COL4A4: variants seen among roughly 807,000 people sequenced by gnomAD.
COL4A4 encodes collagen alpha-4(IV) chain.
Under a neutral mutation model 192.9 loss-of-function variants are expected in COL4A4, and 105 were observed. The observed-to-expected ratio is 0.54, with a 90% confidence interval of 0.46 to 0.64. The LOEUF (loss-of-function observed/expected upper bound fraction) is 0.64, where lower values mean the gene tolerates loss of function less well. Among genes scored for constraint, COL4A4 ranks in the 30% least tolerant of loss-of-function variants. COL4A4 has a pLI of 0.00. For missense variants in COL4A4, 1,967 were observed against 2,169.3 expected, an observed-to-expected ratio of 0.91 and a Z score of 1.85; for synonymous variants, 762 against 769.9, an observed-to-expected ratio of 0.99 and a Z score of 0.17.
intron 1 of COL4A4, among the ~76,000 whole-genome samples, chr2:227,149,262 A>C (rs2063757004): frequency 6.6e-6 from 1 of 152,204 alleles, no homozygotes; most frequent in Non-Finnish European, 1.5e-5. Context: ...ATAAAGTTTC[A>C]ATATCAAGCA....
chr2:227,070,467 C>T (rs2058645610), intron 25 of COL4A4, among the ~76,000 whole-genome samples: 1 of 151,836 alleles, frequency 6.6e-6, no homozygotes, highest in African/African-American at 2.4e-5. Context: ...TTGGAACCAA[C>T]CCAAATGTCC....
chr2:227,085,003 T>C (rs781045080), intron 22 of COL4A4, among the ~76,000 whole-genome samples: 3 of 151,398 alleles, frequency 2.0e-5, no homozygotes, highest in Admixed American at 6.6e-5. Flanking sequence ...TGGTGGTACA[T>C]GCCTGTAGTC....
chr2:227,044,904 T>C (rs1972131011), intron 35 of COL4A4, among the ~76,000 whole-genome samples: 1 of 152,154 alleles, frequency 6.6e-6, no homozygotes, highest in Non-Finnish European at 1.5e-5. Flanking sequence ...GGCCATGGCA[T>C]ATGGGAAAGG....
Position 227,093,979 on chromosome 2 carries a change from GTTTA to G in COL4A4, c.1369+142_1369+145del, listed in dbSNP as rs777239983. 134 of 699,500 alleles carry G rather than the reference GTTTA, an allele frequency of 1.9e-4. 2 individuals carry two copies. In the Middle Eastern group the frequency reaches 5.3e-3, roughly 28 times the overall value. 43.3% of individuals were successfully genotyped at this position (699,500 alleles called of 1,614,324 possible). ...TAATGGATGTGAAAGTCCAACTTCA[GTTTA>G]TTTGTTTGTAAAAGACAACCAACTT... On this transcript the variant is annotated intron_variant, in intron 20 of 47. Transcript: ENST00000396625.
the COL4A4 span, among the ~76,000 whole-genome samples, chr2:226,982,252 T>A: frequency 6.6e-6 from 1 of 152,250 alleles, no homozygotes; most frequent in African/African-American, 2.4e-5. Flanking sequence ...CAGAGCAGTT[T>A]GTCTTCCTCT....
intron 23 of COL4A4, among the ~76,000 whole-genome samples, chr2:227,080,853 A>ATGGGAAAGGGGGAATGGTC (rs1182703147): frequency 1.3e-5 from 2 of 152,184 alleles, no homozygotes; most frequent in African/African-American, 4.8e-5. Flanking sequence ...ATCCCTGGCC[A>ATGGGAAAGGGGGAATGGTC]TGGGAAAGGG....
chr2:227,001,417 G>A (rs986205281), downstream of COL4A4, among the ~76,000 whole-genome samples: 57 of 152,210 alleles, frequency 3.7e-4, no homozygotes, highest in Middle Eastern at 3.4e-3. Flanking sequence ...CTGTCCTCAT[G>A]GGTTCCTCAC....
At chr2:227,122,558 C>T (rs2061854671) in intron 4 of COL4A4, among the ~76,000 whole-genome samples, 1 of 152,180 alleles carries the variant, frequency 6.6e-6, no homozygotes, top group South Asian at 2.1e-4. Context: ...AGAGTCGCAT[C>T]TATATAAAAA....
intron 3 of COL4A4, among the ~76,000 whole-genome samples, chr2:227,140,721 T>TC (rs1264534080): frequency 1.3e-5 from 2 of 152,146 alleles, no homozygotes; most frequent in African/African-American, 4.8e-5. Flanking sequence ...TTCTGTCCCA[T>TC]CCTTGGGCTT....
chr2:227,090,046 C>A, intron 20 of COL4A4, 89 bp from the exon 21 acceptor site: 2 of 972,258 alleles, frequency 2.1e-6, no homozygotes, highest in Admixed American at 1.9e-5. Context: ...CACTCACATC[C>A]TCCCCCACGT....
chr2:227,096,528 G>A (rs565650562), intron 19 of COL4A4, among the ~76,000 whole-genome samples: 2 of 152,270 alleles, frequency 1.3e-5, no homozygotes, highest in South Asian at 4.1e-4. Flanking sequence ...ATCCTGCAAA[G>A]TTTATACCTT....
In COL4A4 at chr2:227,005,355, A is replaced by T. The variant is rs983395578; in HGVS notation, c.*1970T>A. 6.6e-6 allele frequency: 1 copy of T among 152,212 alleles called. No homozygotes were observed. The highest frequency in any genetic ancestry group is 6.5e-5 in the Admixed American group (1 of 15,280). 9.4% of individuals were successfully genotyped at this position (152,212 alleles called of 1,614,324 possible). A position where few individuals can be genotyped will look rare whatever the true frequency, so the allele number is the denominator to read the frequency against. On this transcript the variant is annotated 3_prime_UTR_variant, in exon 48 of 48. Transcript: ENST00000396625. ...AGAAAATGTTCTCAGGCCAAGTTCA[A>T]GATGAACAGGTTGAACTTTTAGGAG...
At chr2:227,050,155 G>C (rs767283392) in intron 33 of COL4A4, 24 bp from the exon 34 acceptor site, 2 of 1,603,110 alleles carry the variant, frequency 1.2e-6, no homozygotes, top group East Asian at 2.2e-5. Flanking sequence ...GAAACAAAAG[G>C]CCTTAATCAG....
At chr2:226,978,256 T>G in the COL4A4 span, among the ~76,000 whole-genome samples, 1 of 152,214 alleles carries the variant, frequency 6.6e-6, no homozygotes, top group African/African-American at 2.4e-5. Flanking sequence ...AATATTCAAT[T>G]TGTACTCTTT....
At chr2:227,151,566 TAC>T in intron 1 of COL4A4, among the ~76,000 whole-genome samples, 1 of 152,324 alleles carries the variant, frequency 6.6e-6, no homozygotes, top group East Asian at 1.9e-4. Context: ...AAAAATGTGC[TAC>T]ACAAATATCA....
chr2:226,979,630 T>G, the COL4A4 span, among the ~76,000 whole-genome samples: 1 of 152,200 alleles, frequency 6.6e-6, no homozygotes, highest in Non-Finnish European at 1.5e-5. Flanking sequence ...CTCAGCAGGC[T>G]GGGTACCCTT....
At chr2:227,150,884 G>T (rs1198843035) in intron 1 of COL4A4, among the ~76,000 whole-genome samples, 1 of 147,066 alleles carries the variant, frequency 6.8e-6, no homozygotes, top group Non-Finnish European at 1.5e-5. Context: ...GGGACACAGA[G>T]CCAAACCATA....
chr2:227,041,836 GAAAGAAAGAAAGAGAAAGAAAGAA>G (rs1327399043), intron 37 of COL4A4, among the ~76,000 whole-genome samples: 16 of 50,186 alleles, frequency 3.2e-4, no homozygotes, highest in South Asian at 8.9e-4. Flanking sequence ...AAGAAAGAAA[GAAAGAAAGAAAGAGAAAGAAAGAA>G]AGAAAGAAAG....
Position 227,104,046 on chromosome 2 carries a change from C to G in COL4A4, c.742G>C (p.Val248Leu). 6.2e-7 allele frequency: 1 copy of G among 1,612,426 alleles called. No homozygotes were observed. The highest frequency in any genetic ancestry group is 8.5e-7 in the Non-Finnish European group (1 of 1,179,570). ...VKGQMGDPGE[V>L]GQQGSPGPTL... ...GGTCCAGGAGAACCTTGCTGACCAA[C>G]CTCACCCTTAAAAAAAAAAGCAAGA... is the stretch of plus-strand genomic sequence containing the variant. The change falls in exon 13 of 48, where the codon GTT (valine) becomes CTT (leucine). Residue 248 changes from valine (V) to leucine (L), a missense_variant. By Grantham distance (32) the Val-to-Leu change is conservative (BLOSUM62 1). Transcript: ENST00000396625.
Sources: allele counts gnomAD v4.1 joint callset (sites outside exome capture counted in the v4.1 genomes callset), GRCh38; gene constraint gnomAD v4.1.1; transcripts MANE v1.5; gene names NCBI Gene and HGNC (gene_info 2026-07-23, HGNC 2026-07-21).